Variants in DYTN observed in about 807,000 individuals in gnomAD.
The protein encoded by DYTN is dystrotelin.
DYTN carries 75 observed loss-of-function variants against 69.6 expected under a neutral mutation model. The observed-to-expected ratio is 1.08, with a 90% confidence interval of 0.89 to 1.31. The LOEUF (loss-of-function observed/expected upper bound fraction) is 1.31. Among genes scored for constraint, DYTN ranks in the 50% most tolerant of loss-of-function variants. The pLI is 0.00. For synonymous variants in DYTN, 252 were observed against 249.1 expected, an observed-to-expected ratio of 1.01 and a Z score of -0.11; for missense variants, 726 against 688.4, an observed-to-expected ratio of 1.05 and a Z score of -0.61.
chr2:206,675,304 T>C, intron 9 of DYTN, among the ~76,000 whole-genome samples: 1 of 147,664 alleles, frequency 6.8e-6, no homozygotes, highest in South Asian at 2.1e-4. Context: ...ATTTATATTT[T>C]ATATGTTGAT....
intron 4 of DYTN, among the ~76,000 whole-genome samples, chr2:206,705,202 T>G (rs1167101797): frequency 6.6e-6 from 1 of 152,256 alleles, no homozygotes; most frequent in East Asian, 1.9e-4. Flanking sequence ...ATTCAAGCGA[T>G]TCTCTTGCCT....
chr2:206,710,506 A>C lies in DYTN; in HGVS notation c.94+18T>G, dbSNP rs1050356051. 1.3e-6 allele frequency: 2 copies of C among 1,598,670 alleles called. No individual in the cohort carries two copies. The highest frequency in any genetic ancestry group is 3.5e-5 in the Admixed American group (2 of 57,084). On this transcript the variant is annotated intron_variant, in intron 2 of 11. Transcript: ENST00000452335. The stretch of plus-strand genomic sequence containing the variant: ...AAGCTCAGATTATTTCAAATATTTC[A>C]GGAGAGCCTATACTTACACTGGCAC...
intron 9 of DYTN, among the ~76,000 whole-genome samples, chr2:206,672,331 C>G (rs923595147): frequency 6.6e-6 from 1 of 152,128 alleles, no homozygotes; most frequent in African/African-American, 2.4e-5. Flanking sequence ...AATAAAGGAA[C>G]AAAACAGCTC....
At chr2:206,702,019 A>C (rs1198595815) in intron 5 of DYTN, among the ~76,000 whole-genome samples, 1 of 152,116 alleles carries the variant, frequency 6.6e-6, no homozygotes, top group Non-Finnish European at 1.5e-5. Context: ...TTGGGGTCTC[A>C]CTCCAGGACT....
intron 11 of DYTN, among the ~76,000 whole-genome samples, chr2:206,653,954 G>A (rs1245574498): frequency 2.1e-4 from 32 of 152,104 alleles, no homozygotes; most frequent in Non-Finnish European, 2.9e-5. Flanking sequence ...CTTTCTCTAA[G>A]TCACTCTCCA....
At chr2:206,699,229 T>C (rs991475918) in intron 7 of DYTN, among the ~76,000 whole-genome samples, 1 of 151,898 alleles carries the variant, frequency 6.6e-6, no homozygotes, top group Non-Finnish European at 1.5e-5. Flanking sequence ...AGATCAGGAG[T>C]TGGAGACCAG....
At chr2:206,656,915 A>G (rs1431312846) in intron 11 of DYTN, among the ~76,000 whole-genome samples, 1 of 151,962 alleles carries the variant, frequency 6.6e-6, no homozygotes, top group Non-Finnish European at 1.5e-5. Context: ...GGTGCATGCC[A>G]CCACGTCCGG....
rs548651630 is a variant in DYTN, at chr2:206,670,786, T to C, written c.981-4757A>G. 2.6e-5 allele frequency among the ~76,000 whole-genome samples: 4 copies of C among 152,296 alleles called. No individual in the cohort carries two copies. The East Asian group carries it at 5.8e-4, about 22-fold the overall frequency. ...AAAAGAAGTTAAAACAGTTTTAGGT[T>C]TTAGAAATAACGTCACAATAGTCTT... On this transcript the variant is annotated intron_variant, in intron 9 of 11. Transcript: ENST00000452335.
intron 11 of DYTN, among the ~76,000 whole-genome samples, chr2:206,654,775 A>G (rs1167573526): frequency 6.6e-6 from 1 of 152,194 alleles, no homozygotes; most frequent in African/African-American, 2.4e-5. Context: ...TTTCCTTAGA[A>G]TTTGCTAAAT....
At chr2:206,675,273 GTA>G (rs1444859117) in intron 9 of DYTN, among the ~76,000 whole-genome samples, 1 of 139,680 alleles carries the variant, frequency 7.2e-6, no homozygotes, top group African/African-American at 2.9e-5. Flanking sequence ...ATATATGTAT[GTA>G]TGTTATATTT....
At chr2:206,705,711 G>T in intron 4 of DYTN, 77 bp downstream of exon 4, 1 of 1,316,030 alleles carries the variant, frequency 7.6e-7, no homozygotes, top group Non-Finnish European at 1.1e-6. Flanking sequence ...GAGGCCTTGT[G>T]GCAGGGATAT....
At chr2:206,706,017 C>CT in intron 3 of DYTN, 144 bp from the exon 4 acceptor site, 1 of 740,918 alleles carries the variant, frequency 1.3e-6, no homozygotes, top group Non-Finnish European at 2.2e-6. Context: ...TATCCTATAC[C>CT]TAGAATTTAG....
At chr2:206,689,343 A>C (rs115490723) in intron 9 of DYTN, among the ~76,000 whole-genome samples, 5 of 152,176 alleles carry the variant, frequency 3.3e-5, no homozygotes, top group Non-Finnish European at 7.4e-5. Context: ...GTGCCAACAT[A>C]ATAGATATCA....
chr2:206,715,363 T>C (rs1342053876), intron 1 of DYTN, among the ~76,000 whole-genome samples: 1 of 152,186 alleles, frequency 6.6e-6, no homozygotes, highest in East Asian at 1.9e-4. Flanking sequence ...GGAGATGACT[T>C]AGGGACGGCA....
chr2:206,675,893 C>A (rs933334037), intron 9 of DYTN, among the ~76,000 whole-genome samples: 1 of 152,114 alleles, frequency 6.6e-6, no homozygotes, highest in Non-Finnish European at 1.5e-5. Context: ...CCATCTCAAG[C>A]CAGTTAGAAA....
chr2:206,658,864 G>A (rs535767225), intron 11 of DYTN, among the ~76,000 whole-genome samples: 25 of 151,850 alleles, frequency 1.6e-4, no homozygotes, highest in Non-Finnish European at 2.6e-4. Context: ...ACCTATAGTG[G>A]CAAATGAATA....
At chr2:206,702,597 A>G (rs1163656432) in intron 5 of DYTN, among the ~76,000 whole-genome samples, 1 of 152,170 alleles carries the variant, frequency 6.6e-6, no homozygotes, top group African/African-American at 2.4e-5. Flanking sequence ...TTGGCTTGTG[A>G]GTGCTGATGA....
At chr2:206,675,561 T>C (rs1461416513) in intron 9 of DYTN, among the ~76,000 whole-genome samples, 5 of 151,918 alleles carry the variant, frequency 3.3e-5, no homozygotes, top group African/African-American at 1.2e-4. Context: ...ATCAGCTATG[T>C]ATAACCTTTT....
At chr2:206,693,108 G>T (rs1177609957) in intron 9 of DYTN, 67 bp downstream of exon 9, 1 of 1,505,420 alleles carries the variant, frequency 6.6e-7, no homozygotes, top group African/African-American at 1.4e-5. Flanking sequence ...TTGCTGGCCG[G>T]TTACCATAAC....
Sources: gnomAD v4.1 joint callset for allele counts (sites outside exome capture counted in the v4.1 genomes callset) on GRCh38, gnomAD v4.1.1 for gene constraint, MANE v1.5 for transcripts, NCBI Gene and HGNC (gene_info 2026-07-23, HGNC 2026-07-21) for gene names.